The following MAGI3 variants were observed in gnomAD, a reference collection of about 807,000 sequenced individuals.
MAGI3 encodes the protein membrane associated guanylate kinase, WW and PDZ domain containing 3.
In MAGI3, 43 loss-of-function variants were observed where a neutral mutation model predicts 121.8. The observed-to-expected ratio is 0.35, with a 90% CI of 0.28 to 0.46. The LOEUF is 0.46. MAGI3 is among the 20% of genes least tolerant of loss of function. MAGI3 has a pLI of 1.00. For synonymous variants in MAGI3, 553 were observed against 639.3 expected (o/e 0.86, Z 2.04); for missense variants, 1,547 against 1,797.3 (o/e 0.86, Z 2.52).
intron 1 of MAGI3, among the ~76,000 whole-genome samples, chr1:113,496,167 T>G (rs957222947): frequency 1.3e-5 from 2 of 152,338 alleles, no homozygotes; most frequent in South Asian, 2.1e-4. Context: ...GATTTCCAAA[T>G]ATTTCAACTT....
chr1:113,417,077 A>T (rs528295816), intron 1 of MAGI3, among the ~76,000 whole-genome samples: 1 of 151,812 alleles, frequency 6.6e-6, no homozygotes, highest in Non-Finnish European at 1.5e-5. Context: ...TCACTTCTCC[A>T]TTGTTCTTTT....
At chr1:113,621,130 A>C (rs1650793940) in intron 8 of MAGI3, among the ~76,000 whole-genome samples, 1 of 152,196 alleles carries the variant, frequency 6.6e-6, no homozygotes, top group African/African-American at 2.4e-5. Flanking sequence ...AAGCAGGCAG[A>C]CAAAAATTTT....
intron 7 of MAGI3, among the ~76,000 whole-genome samples, chr1:113,617,982 T>A (rs1440467540): frequency 6.6e-6 from 1 of 152,194 alleles, no homozygotes; most frequent in Non-Finnish European, 1.5e-5. Flanking sequence ...ACGTCTGTTG[T>A]GGAACTGATA....
chr1:113,580,519 CT>C (rs753514522), intron 2 of MAGI3, 22 bp from the exon 3 acceptor site: 1,110 of 1,448,940 alleles, frequency 7.7e-4, no homozygotes, highest in South Asian at 1.5e-3. Flanking sequence ...TTACAACCTA[CT>C]TTTTTTTTTC....
At chr1:113,453,011 A>G (rs1042482315) in intron 1 of MAGI3, among the ~76,000 whole-genome samples, 4 of 152,206 alleles carry the variant, frequency 2.6e-5, no homozygotes, top group African/African-American at 4.8e-5. Flanking sequence ...TCAGACCCTT[A>G]TAAGTAAGCA....
At chr1:113,542,795 A>G (rs969839701) in intron 1 of MAGI3, among the ~76,000 whole-genome samples, 8 of 152,166 alleles carry the variant, frequency 5.3e-5, no homozygotes, top group African/African-American at 1.4e-4. Context: ...AGAAAGAGAG[A>G]GGGAGAGAGA....
intron 15 of MAGI3, among the ~76,000 whole-genome samples, chr1:113,655,805 G>A (rs1469219437): frequency 6.6e-6 from 1 of 152,162 alleles, no homozygotes; most frequent in African/African-American, 2.4e-5. Flanking sequence ...CCTGTCTCAT[G>A]AATGTGAGGA....
intron 2 of MAGI3, among the ~76,000 whole-genome samples, chr1:113,572,226 G>C (rs1446769385): frequency 1.3e-5 from 2 of 152,218 alleles, no homozygotes; most frequent in Non-Finnish European, 2.9e-5. Context: ...AACCAGCGTT[G>C]CATCCCAGGC....
In MAGI3 at chr1:113,412,494, G is replaced by A. The variant is rs138599809; in HGVS notation, c.316+21145G>A. 5.0e-3 allele frequency among the ~76,000 whole-genome samples: 762 copies of A among 152,270 alleles called. 9 individuals carry two copies. The highest frequency in any genetic ancestry group is 0.017 in the African/African-American group (724 of 41,554). On this transcript the variant is annotated intron_variant, in intron 1 of 20. Transcript: ENST00000307546. ...ACCAATTTACACTCCCACCAATAGT[G>A]TAAAAGTGTTCCTATTTATCCACAT...
intron 1 of MAGI3, among the ~76,000 whole-genome samples, chr1:113,464,615 A>G (rs751781367): frequency 1.3e-5 from 2 of 152,168 alleles, no homozygotes; most frequent in Non-Finnish European, 2.9e-5. Flanking sequence ...ATTCCCACCA[A>G]CAATGTATAA....
intron 16 of MAGI3, among the ~76,000 whole-genome samples, chr1:113,660,038 G>A (rs1453141941): frequency 6.6e-6 from 1 of 152,060 alleles, no homozygotes; most frequent in Non-Finnish European, 1.5e-5. Context: ...TTTCTCCCAT[G>A]ACCCTCTAAT....
intron 1 of MAGI3, among the ~76,000 whole-genome samples, chr1:113,543,132 A>G (rs1659367404): frequency 6.6e-6 from 1 of 152,118 alleles, no homozygotes; most frequent in African/African-American, 2.4e-5. Context: ...TCTCATTCCT[A>G]TGCCTCTTCC....
intron 1 of MAGI3, among the ~76,000 whole-genome samples, chr1:113,431,407 CACAGGGCAGAGAGATGAAAGG>C (rs1653293374): frequency 6.6e-6 from 1 of 151,896 alleles, no homozygotes; most frequent in Non-Finnish European, 1.5e-5. Flanking sequence ...AGTGTAATGA[CACAGGGCAGAGAGATGAAAGG>C]TATAAGAGTT....
intron 6 of MAGI3, among the ~76,000 whole-genome samples, chr1:113,604,958 T>G (rs1200586454): frequency 6.6e-6 from 1 of 150,452 alleles, no homozygotes; most frequent in Non-Finnish European, 1.5e-5. Context: ...ACTTATACCC[T>G]GATATAAATA....
Position 113,421,019 on chromosome 1 carries a change from T to C in MAGI3, c.316+29670T>C, listed in dbSNP as rs1652707931. Among the ~76,000 whole-genome samples, 4 of 152,200 alleles carry C rather than the reference T, an allele frequency of 2.6e-5. No homozygotes were observed. In the South Asian group the frequency reaches 8.3e-4, roughly 31 times the overall value. ...CCTTATAGATTAAAACTTTTTTTTT[T>C]TGAGAGGGCTAACTGTATTTTTTTC... is the stretch of plus-strand genomic sequence containing the variant. On this transcript the variant is annotated intron_variant, in intron 1 of 20. Transcript: ENST00000307546.
intron 2 of MAGI3, among the ~76,000 whole-genome samples, chr1:113,570,331 G>A (rs975892861): frequency 1.3e-5 from 2 of 152,090 alleles, no homozygotes; most frequent in Non-Finnish European, 2.9e-5. Flanking sequence ...TTGCTATTGT[G>A]AATAGTGCTG....
At chr1:113,554,538 A>G (rs75016316) in intron 2 of MAGI3, among the ~76,000 whole-genome samples, 10,181 of 151,938 alleles carry the variant, frequency 0.067, 376 homozygotes, top group Non-Finnish European at 0.075. Flanking sequence ...CTAGTACTAG[A>G]TTTACCCTTT....
At chr1:113,421,155 A>G (rs1652715947) in intron 1 of MAGI3, among the ~76,000 whole-genome samples, 1 of 152,088 alleles carries the variant, frequency 6.6e-6, no homozygotes, top group Admixed American at 6.6e-5. Flanking sequence ...GTTGTGCCTC[A>G]TGTTTTCTAT....
chr1:113,495,463 G>A (rs1415710503), intron 1 of MAGI3, among the ~76,000 whole-genome samples: 1 of 151,456 alleles, frequency 6.6e-6, no homozygotes, highest in Admixed American at 6.6e-5. Flanking sequence ...CCCATCACCT[G>A]AGCAGTGTAC....
Sources: gnomAD v4.1 joint callset for allele counts (sites outside exome capture counted in the v4.1 genomes callset) on GRCh38, gnomAD v4.1.1 for gene constraint, MANE v1.5 for transcripts, NCBI Gene and HGNC (gene_info 2026-07-23, HGNC 2026-07-21) for gene names.